Variants in EYS observed in about 807,000 individuals in gnomAD.
The protein encoded by EYS is EGF-like photoreceptor maintenance factor, also known as protein eyes shut homolog.
In EYS, 250 loss-of-function variants were observed where a neutral mutation model predicts 282.1. The ratio of observed to expected loss-of-function variants is 0.89; its 90% CI spans 0.80 to 0.98. The LOEUF is 0.98. EYS is among the 50% of genes least tolerant of loss of function. The pLI is 0.00. For missense variants in EYS, 4,016 were observed against 3,709.0 expected (o/e 1.08, Z -2.15); for synonymous variants, 1,355 against 1,282.9 (o/e 1.06, Z -1.20).
intron 13 of EYS, among the ~76,000 whole-genome samples, chr6:65,015,133 C>T (rs1209086797): frequency 6.6e-6 from 1 of 152,020 alleles, no homozygotes; most frequent in Non-Finnish European, 1.5e-5. Context: ...AGACTTTGGC[C>T]TCCAAATATA....
At chr6:65,170,243 CACAG>C (rs1562002277) in intron 12 of EYS, among the ~76,000 whole-genome samples, 1 of 151,140 alleles carries the variant, frequency 6.6e-6, no homozygotes, top group African/African-American at 2.4e-5. Flanking sequence ...CACACACACA[CACAG>C]AGAGAGGAGA....
In EYS at chr6:65,568,230, A is replaced by G. The variant is rs768342765; in HGVS notation, c.-333+71548T>C. ...CCTAGAAACCATTTATTGTCCTTCA[A>G]TAGAATTCCTCTTCTCCCCTCTCCC... On this transcript the variant is annotated intron_variant, in intron 2 of 42. Transcript: ENST00000503581. Among the ~76,000 whole-genome samples the G allele has an allele frequency of 1.6e-4, 24 of 152,062 alleles. 1 individual carries two copies. Among genetic ancestry groups the G allele is most frequent in the Admixed American group, 1.4e-3 (21 of 15,244 alleles).
chr6:64,405,210 G>T (rs1353992568), intron 28 of EYS, among the ~76,000 whole-genome samples: 1 of 152,090 alleles, frequency 6.6e-6, no homozygotes, highest in Non-Finnish European at 1.5e-5. Context: ...TAAAGTTATT[G>T]CTAAAAATGT....
chr6:64,352,297 G>A (rs1424822701), intron 29 of EYS, among the ~76,000 whole-genome samples: 1 of 151,502 alleles, frequency 6.6e-6, no homozygotes. Context: ...TCTGTAAAAT[G>A]AGAATAACAA....
chr6:64,161,073 G>T (rs571925596), intron 31 of EYS, among the ~76,000 whole-genome samples: 35 of 152,286 alleles, frequency 2.3e-4, no homozygotes, highest in African/African-American at 7.7e-4. Context: ...TTACCTTAAT[G>T]AATTGGCACA....
chr6:63,947,344 A>G (rs1765428937), intron 35 of EYS, among the ~76,000 whole-genome samples: 1 of 152,072 alleles, frequency 6.6e-6, no homozygotes, highest in Non-Finnish European at 1.5e-5. Flanking sequence ...TGTTGGGACA[A>G]TTAAACACAT....
At chr6:64,533,372 C>T (rs72874955) in intron 26 of EYS, among the ~76,000 whole-genome samples, 40,096 of 151,844 alleles carry the variant, frequency 0.26, 5,832 homozygotes, top group East Asian at 0.36. Flanking sequence ...AAACTACAAA[C>T]AAGATAAAGT....
chr6:65,071,357 C>T (rs1317839079), intron 12 of EYS, among the ~76,000 whole-genome samples: 1 of 151,776 alleles, frequency 6.6e-6, no homozygotes, highest in Non-Finnish European at 1.5e-5. Flanking sequence ...GGAATATGCA[C>T]TTAAAGTAAA....
At chr6:64,539,279 C>T (rs182129531) in intron 26 of EYS, among the ~76,000 whole-genome samples, 59 of 152,224 alleles carry the variant, frequency 3.9e-4, no homozygotes, top group Middle Eastern at 3.4e-3. Flanking sequence ...TAAAAGTAGA[C>T]TCTTAGTGGG....
chr6:64,181,418 T>C (rs932177556), intron 31 of EYS, among the ~76,000 whole-genome samples: 2 of 152,138 alleles, frequency 1.3e-5, no homozygotes, highest in African/African-American at 4.8e-5. Context: ...CCTGAATATA[T>C]TCACTCATGC....
intron 19 of EYS, among the ~76,000 whole-genome samples, chr6:64,881,486 A>T (rs912797668): frequency 6.6e-6 from 1 of 151,874 alleles, no homozygotes; most frequent in Admixed American, 6.6e-5. Context: ...ATATTCAGTT[A>T]TACATTTTTT....
Position 64,272,329 on chromosome 6 carries a change from G to A in EYS, c.6191+34641C>T, listed in dbSNP as rs567797262. 5.9e-5 allele frequency among the ~76,000 whole-genome samples: 9 copies of A among 152,254 alleles called. No homozygotes were observed. In the South Asian group the frequency reaches 1.9e-3, roughly 32 times the overall value. ...GGTCCTGTCATTATGATGCTAGCTG[G>A]TTATTTTGCCTGTTAGTTGATGTAG... On this transcript the variant is annotated intron_variant, in intron 30 of 42. Coordinates refer to ENST00000503581, the MANE Select transcript of EYS (RefSeq NM_001142800.2).
intron 29 of EYS, among the ~76,000 whole-genome samples, chr6:64,370,706 T>C (rs1176539683): frequency 2.0e-5 from 3 of 152,166 alleles, no homozygotes; most frequent in Non-Finnish European, 4.4e-5. Flanking sequence ...GAACTTGTTA[T>C]TGGTCTGTTC....
At chr6:64,980,101 A>T (rs185055950) in intron 14 of EYS, among the ~76,000 whole-genome samples, 19 of 151,674 alleles carry the variant, frequency 1.3e-4, no homozygotes, top group Non-Finnish European at 1.9e-4. Flanking sequence ...AAAGAAATAC[A>T]GTAAGACTTT....
Position 65,301,453 on chromosome 6 carries a change from C to T in EYS, c.1767-5334G>A, listed in dbSNP as rs903813576. Among the ~76,000 whole-genome samples the T allele has an allele frequency of 7.2e-5, 11 of 152,228 alleles. No homozygotes were observed. The East Asian group carries it at 9.7e-4, about 13-fold the overall frequency. On this transcript the variant is annotated intron_variant, in intron 11 of 42. Coordinates refer to ENST00000503581, the MANE Select transcript of EYS (RefSeq NM_001142800.2). ...CGGGCCTTAGAGCGCAGCCTGTAGC[C>T]GGGCGCCATCTTTGACGCTGGCAGT...
At chr6:63,879,070 T>C (rs1351339565) in intron 35 of EYS, among the ~76,000 whole-genome samples, 2 of 152,168 alleles carry the variant, frequency 1.3e-5, no homozygotes, top group African/African-American at 4.8e-5. Flanking sequence ...ACTGGAGCTG[T>C]TCCTATTTGT....
At chr6:64,651,408 T>C (rs1460425158) in intron 22 of EYS, among the ~76,000 whole-genome samples, 4 of 152,086 alleles carry the variant, frequency 2.6e-5, no homozygotes, top group Non-Finnish European at 5.9e-5. Flanking sequence ...AGCCATTAGA[T>C]TAGAGAGTAG....
chr6:64,474,659 G>A (rs992823413), intron 26 of EYS, among the ~76,000 whole-genome samples: 2 of 152,272 alleles, frequency 1.3e-5, no homozygotes, highest in East Asian at 3.9e-4. Context: ...TTCATGTACA[G>A]TAGACTGTTT....
chr6:63,810,368 T>C (rs542070658), intron 36 of EYS, among the ~76,000 whole-genome samples: 1 of 136,900 alleles, frequency 7.3e-6, no homozygotes, highest in South Asian at 2.5e-4. Flanking sequence ...TTATGCACAA[T>C]GCACAGAAGT....
Sources: gnomAD v4.1 joint callset for allele counts (sites outside exome capture counted in the v4.1 genomes callset) on GRCh38, gnomAD v4.1.1 for gene constraint, MANE v1.5 for transcripts, NCBI Gene and HGNC (gene_info 2026-07-23, HGNC 2026-07-21) for gene names.